The following ELAPOR1 variants were observed in gnomAD, a reference collection of about 807,000 sequenced individuals.
ELAPOR1 encodes the protein endosome-lysosome associated apoptosis and autophagy regulator 1.
ELAPOR1 carries 77 observed loss-of-function variants against 119.7 expected under a neutral mutation model. The observed-to-expected ratio is 0.64, with a 90% CI of 0.54 to 0.78. ELAPOR1 has a LOEUF of 0.78. ELAPOR1 is among the 30% of genes least tolerant of loss of function. ELAPOR1 has a pLI of 0.00. For missense variants in ELAPOR1, 1,115 were observed against 1,270.4 expected (o/e 0.88, Z 1.86); for synonymous variants, 481 against 487.2 (o/e 0.99, Z 0.17).
In ELAPOR1 at chr1:109,192,677, G is replaced by A. The variant is rs749461541; in HGVS notation, c.1750G>A (p.Val584Met). The change falls in exon 14 of 22, where the codon GTG (valine) becomes ATG (methionine). Residue 584 changes from valine (V) to methionine (M), a missense_variant. Transcript: ENST00000369939. The part of the protein sequence containing the change: ...SINVTNVMNG[V>M]ASYCRPCALE... ...CAATGTCACCAATGTTATGAATGGT[G>A]TGGCCTCCTACTGCCGTCCCTGTGC... is the stretch of plus-strand genomic sequence containing the variant. 1.1e-5 allele frequency: 17 copies of A among 1,613,942 alleles called. No homozygotes were observed. Among genetic ancestry groups the A allele is most frequent in the South Asian group, 7.7e-5 (7 of 91,082 alleles).
At chr1:109,139,956 T>A (rs1409662127) in intron 1 of ELAPOR1, among the ~76,000 whole-genome samples, 1 of 151,930 alleles carries the variant, frequency 6.6e-6, no homozygotes, top group Admixed American at 6.6e-5. Context: ...AGAGTTGGGG[T>A]TTCGCCATGT....
At chr1:109,141,904 ATCCT>A (rs1649850480) in intron 1 of ELAPOR1, among the ~76,000 whole-genome samples, 1 of 151,480 alleles carries the variant, frequency 6.6e-6, no homozygotes, top group Admixed American at 6.6e-5. Flanking sequence ...GGCTCAAGTG[ATCCT>A]TCCGCCTTGG....
chr1:109,146,637 A>T (rs1370909499), intron 1 of ELAPOR1, among the ~76,000 whole-genome samples: 1 of 152,270 alleles, frequency 6.6e-6, no homozygotes, highest in Non-Finnish European at 1.5e-5. Context: ...ACTAGGTGAG[A>T]CAGCAATTGT....
At chr1:109,194,399 G>A (rs367668887) in intron 14 of ELAPOR1, 22 bp from the exon 15 acceptor site, 235 of 1,609,480 alleles carry the variant, frequency 1.5e-4, no homozygotes, top group Non-Finnish European at 1.9e-4. Flanking sequence ...CAGCTGGCCC[G>A]ACCCGTCCCT....
At chr1:109,143,584 G>A (rs36108706) in intron 1 of ELAPOR1, among the ~76,000 whole-genome samples, 16,364 of 152,138 alleles carry the variant, frequency 0.11, 1,287 homozygotes, top group African/African-American at 0.22. Context: ...TTCCTAAATT[G>A]TATAATTTAA....
In ELAPOR1 at chr1:109,205,362, T is replaced by G. The variant is rs1055081313; in HGVS notation, c.*2350T>G. On this transcript the variant is annotated 3_prime_UTR_variant, in exon 22 of 22. Coordinates refer to ENST00000369939, the MANE Select transcript of ELAPOR1 (RefSeq NM_020775.5). ...CTCATCTGATTAGCCACTGCTGCCC[T>G]GGCAATGGCTTTGTAAGAGTCAATG... is the stretch of plus-strand genomic sequence containing the variant. The G allele has an allele frequency of 6.6e-6, 1 of 152,248 alleles. No homozygotes were observed. The highest frequency in any genetic ancestry group is 1.5e-5 in the Non-Finnish European group (1 of 68,038). The allele number at this position is 152,248 out of a possible 1,614,324, so 9.4% of individuals were successfully genotyped here. A position where few individuals can be genotyped will look rare whatever the true frequency, so the allele number is the denominator to read the frequency against.
intron 7 of ELAPOR1, among the ~76,000 whole-genome samples, chr1:109,176,022 A>T (rs1162674472): frequency 6.6e-6 from 1 of 152,182 alleles, no homozygotes; most frequent in Non-Finnish European, 1.5e-5. Context: ...ACCTGAGAGC[A>T]TTCATTGAAG....
rs1013611895 is a variant in ELAPOR1, at chr1:109,155,380, G to A, written c.154-6514G>A. ...TTTTTAATAGAGACGGGGTTTCACC[G>A]TGTTAGCCAGGATGGTCTCGATCTC... On this transcript the variant is annotated intron_variant, in intron 1 of 21. Transcript: ENST00000369939. Among the ~76,000 whole-genome samples the A allele has an allele frequency of 6.6e-5, 10 of 152,068 alleles. 1 individual carries two copies. Among genetic ancestry groups the A allele is most frequent in the East Asian group, 1.9e-4 (1 of 5,158 alleles).
At chr1:109,180,508 TAAA>T (rs5776964) in intron 7 of ELAPOR1, among the ~76,000 whole-genome samples, 1 of 150,530 alleles carries the variant, frequency 6.6e-6, no homozygotes, top group African/African-American at 2.4e-5. Context: ...CCCATCTCTT[TAAA>T]AAAAAAAATG....
At chr1:109,118,928 C>T (rs1285513056) in intron 1 of ELAPOR1, among the ~76,000 whole-genome samples, 2 of 120,098 alleles carry the variant, frequency 1.7e-5, no homozygotes, top group Non-Finnish European at 3.4e-5. Flanking sequence ...GACGGAGTCT[C>T]GCTCTGATGC....
chr1:109,154,751 C>T (rs962849664), intron 1 of ELAPOR1, among the ~76,000 whole-genome samples: 3 of 152,204 alleles, frequency 2.0e-5, no homozygotes, highest in African/African-American at 2.4e-5. Flanking sequence ...ACCAGTCATC[C>T]GTGTCTTCTT....
chr1:109,172,104 C>A, intron 4 of ELAPOR1, 91 bp downstream of exon 4: 1 of 1,435,434 alleles, frequency 7.0e-7, no homozygotes. Flanking sequence ...TGTAGCCCTG[C>A]TTGGGGGAAT....
At chr1:109,195,643 T>TC (rs1653746522) in intron 15 of ELAPOR1, among the ~76,000 whole-genome samples, 1 of 152,168 alleles carries the variant, frequency 6.6e-6, no homozygotes, top group Non-Finnish European at 1.5e-5. Flanking sequence ...CTGGATAAAA[T>TC]CAACTGTTTC....
chr1:109,140,179 T>C (rs191977565), intron 1 of ELAPOR1, among the ~76,000 whole-genome samples: 211 of 152,310 alleles, frequency 1.4e-3, no homozygotes, highest in African/African-American at 4.9e-3. Context: ...TAGACTACTA[T>C]GTGAAAAGCA....
Position 109,200,191 on chromosome 1 carries a change from A to G in ELAPOR1, c.2761A>G (p.Ile921Val), listed in dbSNP as rs371607966. The stretch of plus-strand genomic sequence containing the variant: ...CATCTCTGCAGGCACCTGTACTGCC[A>G]TCCTGCTCACCGTCTTGACCTGCTA... ...VGISAGTCTA[I>V]LLTVLTCYFW... Residue 921 changes from isoleucine (I) to valine (V), a missense_variant, in exon 20 of 22, where the codon ATC becomes GTC. Ile to Val is a conservative substitution (Grantham distance 29, BLOSUM62 3). Transcript: ENST00000369939. The G allele has an allele frequency of 2.5e-6, 4 of 1,614,248 alleles. No individual in the cohort carries two copies. Among genetic ancestry groups the G allele is most frequent in the East Asian group, 2.2e-5 (1 of 44,888 alleles).
chr1:109,156,965 G>A (rs1470638071), intron 1 of ELAPOR1, among the ~76,000 whole-genome samples: 1 of 152,116 alleles, frequency 6.6e-6, no homozygotes, highest in African/African-American at 2.4e-5. Flanking sequence ...GAAGAAGGGG[G>A]GTGGACACTG....
In ELAPOR1 at chr1:109,191,719, G is replaced by A. The variant is rs758327394; in HGVS notation, c.1546-7G>A. On this transcript the variant is annotated splice_region_variant and splice_polypyrimidine_tract_variant and intron_variant, in intron 12 of 21. Coordinates refer to ENST00000369939, the MANE Select transcript of ELAPOR1 (RefSeq NM_020775.5). ...GCACCCGCTTCACTTGTCTGTCCTGGGTTCAGGGTGTGAATTCTAGGACCA... is the reference window on the plus strand; with the variant it reads ...GCACCCGCTTCACTTGTCTGTCCTGAGTTCAGGGTGTGAATTCTAGGACCA... 1.2e-6 allele frequency: 2 copies of A among 1,614,154 alleles called. No homozygotes were observed. The highest frequency in any genetic ancestry group is 1.7e-6 in the Non-Finnish European group (2 of 1,180,016).
intron 1 of ELAPOR1, 48 bp downstream of exon 1, chr1:109,114,384 G>C: frequency 6.6e-7 from 1 of 1,509,254 alleles, no homozygotes; most frequent in Non-Finnish European, 8.9e-7. Context: ...AAAAGTCTTG[G>C]ATCCAGGCGG....
At chr1:109,173,895 A>G (rs1652079552) in intron 7 of ELAPOR1, 58 bp downstream of exon 7, 2 of 1,569,528 alleles carry the variant, frequency 1.3e-6, no homozygotes, top group Admixed American at 3.4e-5. Flanking sequence ...AAAACACACA[A>G]GGAGATACCA....
Sources: allele counts gnomAD v4.1 joint callset (sites outside exome capture counted in the v4.1 genomes callset), GRCh38; gene constraint gnomAD v4.1.1; transcripts MANE v1.5; gene names NCBI Gene and HGNC (gene_info 2026-07-23, HGNC 2026-07-21).